Variants in NRL observed in about 807,000 individuals in gnomAD.
The protein encoded by NRL is neural retina leucine zipper.
Under a neutral mutation model 12.5 loss-of-function variants are expected in NRL, and 16 were observed. The ratio of observed to expected loss-of-function variants is 1.28; its 90% CI spans 0.87 to 1.95. NRL has a LOEUF of 1.95. NRL is among the 30% of genes most tolerant of loss of function. The pLI is 0.00. For missense variants in NRL, 314 were observed against 325.8 expected (o/e 0.96, Z 0.28); for synonymous variants, 142 against 150.9 (o/e 0.94, Z 0.43).
chr14:24,081,231 A>G lies in NRL; in HGVS notation c.*5T>C. The G allele has an allele frequency of 1.4e-6, 2 of 1,473,610 alleles. No homozygotes were observed. The highest frequency in any genetic ancestry group is 1.4e-5 in the African/African-American group (1 of 69,038). 91.3% of individuals were successfully genotyped at this position (1,473,610 alleles called of 1,614,324 possible). On this transcript the variant is annotated 3_prime_UTR_variant, in exon 3 of 3. Coordinates refer to ENST00000561028, the MANE Select transcript of NRL (RefSeq NM_001354768.3). This position sits in a 1 kb window ranked among gnomAD's most constrained non-coding sequence, Gnocchi z 4.4. ...CCCACTACACCACAAGGTGCTCTGA[A>G]CGGCTCAGAGGAAGAGGTGGGAGGG...
intron 1 of NRL, chr14:24,110,339 G>A (rs1594322699): frequency 2.5e-6 from 1 of 397,272 alleles, no homozygotes; most frequent in South Asian, 1.7e-5. Flanking sequence ...AAATTCCTGT[G>A]GTCAAGCGAG....
chr14:24,081,239 G>A lies in NRL; in HGVS notation c.711C>T (p.Leu237=), dbSNP rs8009051. The change falls in exon 3 of 3, where the codon CTC becomes CTT. Residue 237 remains leucine (L), a synonymous_variant. Coordinates refer to ENST00000561028, the MANE Select transcript of NRL (RefSeq NM_001354768.3). This position sits in a 1 kb window ranked among gnomAD's most constrained non-coding sequence, Gnocchi z 4.4. The part of the protein sequence containing the change: ...PGSGDPSHLF[L] ...ACCACAAGGTGCTCTGAACGGCTCA[G>A]AGGAAGAGGTGGGAGGGGTCCCCGG... 2 of 1,492,860 alleles carry A rather than the reference G, an allele frequency of 1.3e-6. No individual in the cohort carries two copies. Among genetic ancestry groups the A allele is most frequent in the Non-Finnish European group, 8.9e-7 (1 of 1,118,850 alleles). 92.5% of individuals were successfully genotyped at this position (1,492,860 alleles called of 1,614,324 possible). A position where few individuals can be genotyped will look rare whatever the true frequency, so the allele number is the denominator to read the frequency against.
chr14:24,091,534 A>G (rs1347714785), intron 1 of NRL, among the ~76,000 whole-genome samples: 1 of 152,212 alleles, frequency 6.6e-6, no homozygotes, highest in Non-Finnish European at 1.5e-5. Flanking sequence ...TGTGATGGAA[A>G]GAGCCTGGAA....
At chr14:24,086,407 T>C (rs1325018362) in intron 1 of NRL, among the ~76,000 whole-genome samples, 1 of 152,230 alleles carries the variant, frequency 6.6e-6, no homozygotes, top group Admixed American at 6.5e-5. Context: ...CCTGGGTTTC[T>C]GTTTTAAGGA....
chr14:24,088,760 C>G (rs1374955637), intron 1 of NRL, among the ~76,000 whole-genome samples: 1 of 147,940 alleles, frequency 6.8e-6, no homozygotes, highest in African/African-American at 2.5e-5. Flanking sequence ...ATTCTCCTGG[C>G]TCAGCCTATC....
chr14:24,101,190 A>G (rs573031471), intron 1 of NRL, among the ~76,000 whole-genome samples: 1 of 152,342 alleles, frequency 6.6e-6, no homozygotes, highest in African/African-American at 2.4e-5. Flanking sequence ...CTAGTTCCCC[A>G]ACCCTTTCAT....
rs144109680 is a variant in NRL at position 24,083,121 on chromosome 14, G to A, written c.-27-246C>T. Among the ~76,000 whole-genome samples the A allele has an allele frequency of 2.8e-3, 428 of 152,300 alleles. 1 individual carries two copies. The highest frequency in any genetic ancestry group is 9.7e-3 in the African/African-American group (403 of 41,568). ...GAGGAAGAGGACAGCACAGCCTCTC[G>A]CCCCACTGATGCCTCAGGATCTATG... is the stretch of plus-strand genomic sequence containing the variant. On this transcript the variant is annotated intron_variant, in intron 1 of 2. Transcript: ENST00000561028.
chr14:24,082,931 C>G, intron 1 of NRL, 56 bp from the exon 2 acceptor site: 1 of 1,504,042 alleles, frequency 6.6e-7, no homozygotes, highest in Non-Finnish European at 8.9e-7. Flanking sequence ...ATCCCCTCTT[C>G]ACCAAGTCCC....
chr14:24,103,828 T>G, intron 1 of NRL: 1 of 1,614,046 alleles, frequency 6.2e-7, no homozygotes, highest in Non-Finnish European at 8.5e-7. Flanking sequence ...ACTCAGCTGT[T>G]CTCCCTCCCC....
intron 1 of NRL, chr14:24,100,168 C>G (rs199965475): frequency 6.2e-7 from 1 of 1,614,118 alleles, no homozygotes; most frequent in Admixed American, 1.7e-5. Context: ...GCCTCTTCCA[C>G]CTGGTGTTAC....
At chr14:24,104,257 A>C (rs1594315981) in intron 1 of NRL, 1 of 410,074 alleles carries the variant, frequency 2.4e-6, no homozygotes, top group East Asian at 5.4e-5. Context: ...TTTTACAGGT[A>C]GCTCTAGCAC....
chr14:24,081,193 A>G lies in NRL; in HGVS notation c.*43T>C. On this transcript the variant is annotated 3_prime_UTR_variant, in exon 3 of 3. Transcript: ENST00000561028. The surrounding 1 kb of genome is among the most constrained non-coding windows in gnomAD (Gnocchi z 4.4). ...GTGCAGCCGCCTCCTGGGCGGAGCCACCCCACCCAGCCCCCACTACACCAC... is the reference window on the plus strand; with the variant it reads ...GTGCAGCCGCCTCCTGGGCGGAGCCGCCCCACCCAGCCCCCACTACACCAC... 7.6e-7 allele frequency: 1 copy of G among 1,317,768 alleles called. No homozygotes were observed. Among genetic ancestry groups the G allele is most frequent in the South Asian group, 1.9e-5 (1 of 52,796 alleles). 81.6% of individuals were successfully genotyped at this position (1,317,768 alleles called of 1,614,324 possible). A position where few individuals can be genotyped will look rare whatever the true frequency, so the allele number is the denominator to read the frequency against.
Position 24,112,450 on chromosome 14 carries a change from C to A in NRL, c.-28+2272G>T, listed in dbSNP as rs1292665080. ...ATCAGAGTGAACAGGCAACCTACAA[C>A]ATGGGAGAAAATTTTCGCAACCTAC... On this transcript the variant is annotated intron_variant, in intron 1 of 2. Coordinates refer to ENST00000561028, the MANE Select transcript of NRL (RefSeq NM_001354768.3). Among the ~76,000 whole-genome samples the A allele has an allele frequency of 6.2e-5, 9 of 144,200 alleles. No individual in the cohort carries two copies. In the South Asian group the frequency reaches 1.1e-3, roughly 18 times the overall value. 94.6% of individuals were successfully genotyped at this position (144,200 alleles called of 152,430 possible).
In NRL at chr14:24,111,230, C is replaced by T. The variant is rs547276828; in HGVS notation, c.-28+3492G>A. On this transcript the variant is annotated intron_variant, in intron 1 of 2. Transcript: ENST00000561028. ...CCTGGCCACAAATGATCCTCCTCCTCGGCCTCCCACAGTGCTGGAATTACA... is the reference window on the plus strand; with the variant it reads ...CCTGGCCACAAATGATCCTCCTCCTTGGCCTCCCACAGTGCTGGAATTACA... Among the ~76,000 whole-genome samples the T allele has an allele frequency of 2.6e-5, 4 of 152,306 alleles. 1 individual carries two copies. Among genetic ancestry groups the T allele is most frequent in the South Asian group, 4.1e-4 (2 of 4,820 alleles).
At chr14:24,111,247 G>A (rs2138996686) in intron 1 of NRL, among the ~76,000 whole-genome samples, 1 of 152,190 alleles carries the variant, frequency 6.6e-6, no homozygotes, top group East Asian at 1.9e-4. Flanking sequence ...CCACAGTGCT[G>A]GAATTACAGT....
rs1036455893 is a variant in NRL at position 24,081,670 on chromosome 14, C to T, written c.382-102G>A. 2.0e-4 allele frequency: 303 copies of T among 1,530,182 alleles called. No individual in the cohort carries two copies. Among genetic ancestry groups the T allele is most frequent in the Non-Finnish European group, 2.5e-4 (287 of 1,138,970 alleles). 94.8% of individuals were successfully genotyped at this position (1,530,182 alleles called of 1,614,324 possible). ...GCTCCGCCCCGGGACAGCCCCGCCC[C>T]GGCTCCCACCTTCACCGGAAGGCTC... On this transcript the variant is annotated intron_variant, in intron 2 of 2. Transcript: ENST00000561028. This position sits in a 1 kb window ranked among gnomAD's most constrained non-coding sequence, Gnocchi z 4.4.
chr14:24,112,467 G>A (rs1378617977), intron 1 of NRL, among the ~76,000 whole-genome samples: 8 of 136,098 alleles, frequency 5.9e-5, no homozygotes, highest in African/African-American at 8.5e-5. Context: ...GAAAATTTTC[G>A]CAACCTACTC....
intron 1 of NRL, among the ~76,000 whole-genome samples, chr14:24,107,228 T>A (rs774209405): frequency 3.9e-5 from 6 of 152,204 alleles, no homozygotes; most frequent in Non-Finnish European, 8.8e-5. Context: ...AAGAAAGTGT[T>A]AGCCTTAAAA....
rs141578026 is a variant in NRL, at chr14:24,090,726, T to C, written c.-27-7851A>G. 3.8e-3 allele frequency among the ~76,000 whole-genome samples: 575 copies of C among 152,258 alleles called. 5 individuals are homozygous for C. Among genetic ancestry groups the C allele is most frequent in the African/African-American group, 0.013 (553 of 41,564 alleles). ...GCCCCCTGGTGGTACTCCTTGGACATAGGGCCAGCTGGTGGGCCAGGCTCT... is the reference window on the plus strand; with the variant it reads ...GCCCCCTGGTGGTACTCCTTGGACACAGGGCCAGCTGGTGGGCCAGGCTCT... On this transcript the variant is annotated intron_variant, in intron 1 of 2. Transcript: ENST00000561028.
Sources: allele counts gnomAD v4.1 joint callset (sites outside exome capture counted in the v4.1 genomes callset), GRCh38; gene constraint gnomAD v4.1.1; non-coding constraint Gnocchi (gnomAD v3.1); transcripts MANE v1.5; gene names NCBI Gene and HGNC (gene_info 2026-07-23, HGNC 2026-07-21).